Variants in GRM7 observed in about 807,000 individuals in gnomAD.
The protein encoded by GRM7 is metabotropic glutamate receptor 7.
Under a neutral mutation model 84.5 loss-of-function variants are expected in GRM7, and 35 were observed. That is an observed-to-expected ratio of 0.41 (90% CI 0.32 to 0.55). GRM7 has a LOEUF of 0.55. Among genes scored for constraint, GRM7 ranks in the 20% least tolerant of loss-of-function variants. The probability of loss-of-function intolerance (pLI) is 0.19; values close to 1 mark genes in which losing one functional copy is unlikely to be tolerated. For missense variants in GRM7, 1,003 were observed against 1,194.6 expected (o/e 0.84, Z 2.36); for synonymous variants, 487 against 455.1 (o/e 1.07, Z -0.89).
intron 8 of GRM7, among the ~76,000 whole-genome samples, chr3:7,597,155 C>G (rs932592392): frequency 6.6e-6 from 1 of 152,016 alleles, no homozygotes; most frequent in Admixed American, 6.6e-5. Context: ...GGGGAGGTCT[C>G]AGGAAGTTTT....
intron 5 of GRM7, among the ~76,000 whole-genome samples, chr3:7,423,549 G>T (rs1011613455): frequency 3.9e-5 from 6 of 152,074 alleles, no homozygotes; most frequent in Non-Finnish European, 8.8e-5. Context: ...TAGAAGAAAG[G>T]GTTGTGGAAT....
At chr3:7,710,670 C>T (rs577567117) in intron 9 of GRM7, among the ~76,000 whole-genome samples, 25 of 152,250 alleles carry the variant, frequency 1.6e-4, no homozygotes, top group African/African-American at 5.3e-4. Flanking sequence ...ATTAGTCCTT[C>T]CCCGGTAAAC....
At chr3:7,496,459 A>G (rs1699704923) in intron 7 of GRM7, among the ~76,000 whole-genome samples, 1 of 152,192 alleles carries the variant, frequency 6.6e-6, no homozygotes, top group African/African-American at 2.4e-5. Flanking sequence ...TGATGTCATA[A>G]AAAAACACAA....
chr3:7,321,761 A>T lies in GRM7; in HGVS notation c.1033+15109A>T, dbSNP rs1167181481. Among the ~76,000 whole-genome samples, 3 of 152,092 alleles carry T rather than the reference A, an allele frequency of 2.0e-5. No homozygotes were observed. The East Asian group carries it at 5.8e-4, about 29-fold the overall frequency. ...AATTTCTGTCTGATGTTTTAAAAAA[A>T]GTTTTACAGAATTTATTCTACATAA... is the stretch of plus-strand genomic sequence containing the variant. On this transcript the variant is annotated intron_variant, in intron 4 of 9. Coordinates refer to ENST00000357716, the MANE Select transcript of GRM7 (RefSeq NM_000844.4).
chr3:6,995,589 G>A (rs188353229), intron 1 of GRM7, among the ~76,000 whole-genome samples: 292 of 152,280 alleles, frequency 1.9e-3, no homozygotes, highest in Non-Finnish European at 2.8e-3. Context: ...GTTAAAATAG[G>A]ACCATGTGAA....
intron 2 of GRM7, among the ~76,000 whole-genome samples, chr3:7,185,654 C>A (rs956822931): frequency 6.6e-6 from 1 of 152,180 alleles, no homozygotes; most frequent in African/African-American, 2.4e-5. Flanking sequence ...GTACCCAGAG[C>A]ATCACCATCA....
At chr3:7,305,252 GT>G in intron 3 of GRM7, among the ~76,000 whole-genome samples, 1 of 147,362 alleles carries the variant, frequency 6.8e-6, no homozygotes, top group East Asian at 2.0e-4. Context: ...CTATTTTGGT[GT>G]TTTTTTGTTA....
At chr3:7,025,168 C>A (rs754566744) in intron 1 of GRM7, among the ~76,000 whole-genome samples, 21 of 152,150 alleles carry the variant, frequency 1.4e-4, no homozygotes, top group Admixed American at 3.3e-4. Flanking sequence ...TTAAGGGAAT[C>A]CATATTATTT....
At chr3:7,152,200 C>T (rs1694308086) in intron 2 of GRM7, among the ~76,000 whole-genome samples, 1 of 152,130 alleles carries the variant, frequency 6.6e-6, no homozygotes, top group South Asian at 2.1e-4. Context: ...TTAACTCATG[C>T]TTCATTTGTT....
chr3:7,035,369 C>T (rs1696348649), intron 1 of GRM7, among the ~76,000 whole-genome samples: 1 of 151,916 alleles, frequency 6.6e-6, no homozygotes, highest in Admixed American at 6.6e-5. Context: ...AAAATATGGT[C>T]ACGTGAGAGT....
intron 8 of GRM7, among the ~76,000 whole-genome samples, chr3:7,627,910 A>G (rs1242098270): frequency 6.6e-6 from 1 of 152,164 alleles, no homozygotes; most frequent in Non-Finnish European, 1.5e-5. Flanking sequence ...TACCTTTTAA[A>G]AATTTCAGTC....
chr3:7,298,760 C>T lies in GRM7; in HGVS notation c.813C>T (p.Ile271=). 6.2e-7 allele frequency: 1 copy of T among 1,613,716 alleles called. No homozygotes were observed. Among genetic ancestry groups the T allele is most frequent in the Non-Finnish European group, 8.5e-7 (1 of 1,179,666 alleles). Residue 271 remains isoleucine, a synonymous_variant, in exon 3 of 10, where the codon ATC becomes ATT. Transcript: ENST00000357716. ...KDRTIDFDRI[I]KQLLDTPNSR... is the part of the protein sequence containing the mutation. ...GGACCATTGACTTTGATAGAATTAT[C>T]AAACAGCTCCTGGACACCCCCAACT...
intron 1 of GRM7, among the ~76,000 whole-genome samples, chr3:7,103,045 G>C (rs1428616367): frequency 1.3e-5 from 2 of 151,596 alleles, no homozygotes; most frequent in Non-Finnish European, 3.0e-5. Context: ...TAATTTAGAA[G>C]CCCGTTTCCA....
chr3:7,670,118 C>T (rs560209292), intron 8 of GRM7, among the ~76,000 whole-genome samples: 2 of 152,224 alleles, frequency 1.3e-5, no homozygotes, highest in East Asian at 1.9e-4. Flanking sequence ...GTGTGCCAGG[C>T]GCTCAGGGTG....
intron 8 of GRM7, among the ~76,000 whole-genome samples, chr3:7,597,859 C>G: frequency 6.6e-6 from 1 of 152,074 alleles, no homozygotes; most frequent in East Asian, 1.9e-4. Flanking sequence ...CCGGGTTGAC[C>G]AAGACACATC....
chr3:7,111,846 T>A (rs1692862939), intron 1 of GRM7, among the ~76,000 whole-genome samples: 1 of 152,160 alleles, frequency 6.6e-6, no homozygotes, highest in African/African-American at 2.4e-5. Context: ...TTCTCCAAAG[T>A]GAACATACCT....
At chr3:7,733,179 T>C (rs1003104122) in intron 9 of GRM7, among the ~76,000 whole-genome samples, 1 of 152,202 alleles carries the variant, frequency 6.6e-6, no homozygotes, top group African/African-American at 2.4e-5. Context: ...GGCTGAGTAG[T>C]CATCCTAAGT....
chr3:7,330,539 G>A (rs1353329058), intron 4 of GRM7, among the ~76,000 whole-genome samples: 1 of 152,128 alleles, frequency 6.6e-6, no homozygotes, highest in Non-Finnish European at 1.5e-5. Context: ...GACCTGGTGG[G>A]AGATCATTGA....
chr3:7,376,917 T>C (rs1240633652), intron 4 of GRM7, among the ~76,000 whole-genome samples: 2 of 152,136 alleles, frequency 1.3e-5, no homozygotes, highest in African/African-American at 4.8e-5. Context: ...GCATCTACAG[T>C]AGTACCACCT....
Sources: allele counts gnomAD v4.1 joint callset (sites outside exome capture counted in the v4.1 genomes callset), GRCh38; gene constraint gnomAD v4.1.1; transcripts MANE v1.5; gene names NCBI Gene and HGNC (gene_info 2026-07-23, HGNC 2026-07-21).